Variants in RNLS observed in about 807,000 individuals in gnomAD.
The protein encoded by RNLS is renalase, FAD dependent amine oxidase.
In RNLS, 39 loss-of-function variants were observed where a neutral mutation model predicts 39.8. The ratio of observed to expected loss-of-function variants is 0.98; its 90% CI spans 0.76 to 1.28. The LOEUF (loss-of-function observed/expected upper bound fraction) is 1.28, where lower values mean the gene tolerates loss of function less well. Ranked by LOEUF, RNLS falls within the 50% of genes most tolerant of loss-of-function variation. RNLS has a pLI of 0.00. For synonymous variants in RNLS, 147 were observed against 150.7 expected (o/e 0.98, Z 0.18); for missense variants, 410 against 413.3 (o/e 0.99, Z 0.07).
chr10:88,332,080 C>T (rs531329241), intron 5 of RNLS, among the ~76,000 whole-genome samples: 3 of 152,352 alleles, frequency 2.0e-5, no homozygotes, highest in Admixed American at 1.3e-4. Context: ...GTGTCTACTG[C>T]TGGTCCCAGG....
the RNLS span, among the ~76,000 whole-genome samples, chr10:88,240,667 T>C: frequency 6.6e-6 from 1 of 152,162 alleles, no homozygotes; most frequent in African/African-American, 2.4e-5. Flanking sequence ...TAATTATTAC[T>C]GAAATCCGCC....
chr10:88,304,924 T>C (rs926311940), intron 6 of RNLS, among the ~76,000 whole-genome samples: 3 of 151,954 alleles, frequency 2.0e-5, no homozygotes, highest in Non-Finnish European at 4.4e-5. Context: ...AAAAAAATAA[T>C]GTTAAAGGCA....
the RNLS span, among the ~76,000 whole-genome samples, chr10:88,187,970 T>C: frequency 6.6e-6 from 1 of 152,236 alleles, no homozygotes; most frequent in African/African-American, 2.4e-5. Flanking sequence ...AAAACAAACA[T>C]GCATTCCTGC....
intron 4 of RNLS, among the ~76,000 whole-genome samples, chr10:88,435,450 T>TA (rs1226101255): frequency 6.9e-6 from 1 of 144,882 alleles, no homozygotes; most frequent in East Asian, 2.0e-4. Context: ...CCAAAAACAT[T>TA]AAAAAAATAA....
chr10:88,350,502 A>G (rs1848614954), intron 5 of RNLS, among the ~76,000 whole-genome samples: 1 of 151,914 alleles, frequency 6.6e-6, no homozygotes, highest in African/African-American at 2.4e-5. Flanking sequence ...TGTCCTTGCG[A>G]TAGTTTGCTG....
intron 6 of RNLS, among the ~76,000 whole-genome samples, chr10:88,302,268 T>C (rs561541494): frequency 1.1e-4 from 16 of 152,306 alleles, no homozygotes; most frequent in South Asian, 8.3e-4. Flanking sequence ...AGAAAAGTCA[T>C]AGGAATAGTG....
the RNLS span, among the ~76,000 whole-genome samples, chr10:88,226,685 A>T: frequency 7.6e-5 from 11 of 145,396 alleles, no homozygotes; most frequent in Admixed American, 1.4e-4. Flanking sequence ...TCACCCTCTA[A>T]TTTTTTAACC....
chr10:88,550,898 C>G (rs1848574450), intron 4 of RNLS, among the ~76,000 whole-genome samples: 1 of 152,130 alleles, frequency 6.6e-6, no homozygotes, highest in African/African-American at 2.4e-5. Flanking sequence ...AGATGAAGTC[C>G]AGATAGATTG....
intron 4 of RNLS, among the ~76,000 whole-genome samples, chr10:88,374,531 C>A (rs534198849): frequency 2.0e-5 from 3 of 152,162 alleles, no homozygotes; most frequent in Non-Finnish European, 4.4e-5. Flanking sequence ...ATATCCACCT[C>A]ACACACCTGT....
At position 88,525,000 on chromosome 10, in the gene RNLS, C is replaced by CATAT. The variant is rs1484214681; in HGVS notation, c.526+47902_526+47903insATAT. 1.7e-4 allele frequency among the ~76,000 whole-genome samples: 13 copies of CATAT among 74,858 alleles called. No individual in the cohort carries two copies. In the East Asian group the frequency reaches 4.6e-3, roughly 26 times the overall value. 49.1% of individuals were successfully genotyped at this position (74,858 alleles called of 152,430 possible). A position where few individuals can be genotyped will look rare whatever the true frequency, so the allele number is the denominator to read the frequency against. ...ATATATATATATATATATATATATA[C>CATAT]ACACACACACATACTATGTACCCAC... is the stretch of plus-strand genomic sequence containing the variant. On this transcript the variant is annotated intron_variant, in intron 4 of 6. Transcript: ENST00000331772.
chr10:88,292,663 A>G (rs977495293), intron 6 of RNLS, among the ~76,000 whole-genome samples: 1 of 151,864 alleles, frequency 6.6e-6, no homozygotes, highest in African/African-American at 2.4e-5. Flanking sequence ...GGTCATTTTA[A>G]TAAGCTTTTG....
the RNLS span, among the ~76,000 whole-genome samples, chr10:88,194,647 T>C: frequency 6.6e-6 from 1 of 152,198 alleles, no homozygotes; most frequent in Non-Finnish European, 1.5e-5. Flanking sequence ...CAAAGTCTTG[T>C]TTGTAAACCA....
intron 5 of RNLS, among the ~76,000 whole-genome samples, chr10:88,349,735 T>C (rs1279885512): frequency 6.6e-6 from 1 of 151,834 alleles, no homozygotes; most frequent in Admixed American, 6.6e-5. Context: ...ACATATTGTA[T>C]ATAAGTACAT....
At chr10:88,255,291 T>A in the RNLS span, among the ~76,000 whole-genome samples, 1 of 152,364 alleles carries the variant, frequency 6.6e-6, no homozygotes, top group South Asian at 2.1e-4. Context: ...CAGTCACTCA[T>A]GCATTTATTC....
At chr10:88,247,601 TA>T in the RNLS span, among the ~76,000 whole-genome samples, 1 of 152,272 alleles carries the variant, frequency 6.6e-6, no homozygotes, top group African/African-American at 2.4e-5. Context: ...TGAAGTACAT[TA>T]AAAAGTGGCA....
At chr10:88,540,959 A>G (rs1201150609) in intron 4 of RNLS, among the ~76,000 whole-genome samples, 1 of 150,084 alleles carries the variant, frequency 6.7e-6, no homozygotes, top group African/African-American at 2.5e-5. Context: ...ATTTTGTTAT[A>G]TTATGGTCAT....
At chr10:88,195,816 C>A in the RNLS span, among the ~76,000 whole-genome samples, 3 of 152,154 alleles carry the variant, frequency 2.0e-5, no homozygotes, top group East Asian at 5.8e-4. Flanking sequence ...CAAAAACAGC[C>A]CCATCATTAG....
Position 88,303,389 on chromosome 10 carries a change from A to C in RNLS, c.876+11077T>G, listed in dbSNP as rs560766397. On this transcript the variant is annotated intron_variant, in intron 6 of 6. Transcript: ENST00000331772. ...ACAATCTTGCCCATTAGATGGGGCTATGCTGACCTGAGCACCAGCTCAGGC... is the reference window on the plus strand; with the variant it reads ...ACAATCTTGCCCATTAGATGGGGCTCTGCTGACCTGAGCACCAGCTCAGGC... 6.6e-5 allele frequency among the ~76,000 whole-genome samples: 10 copies of C among 152,322 alleles called. No homozygotes were observed. In the South Asian group the frequency reaches 2.1e-3, roughly 32 times the overall value.
chr10:88,365,937 C>G (rs941930853), intron 4 of RNLS, among the ~76,000 whole-genome samples: 4 of 152,090 alleles, frequency 2.6e-5, no homozygotes, highest in African/African-American at 9.7e-5. Context: ...AATACATATT[C>G]TGCCCATTTT....
Sources: allele counts gnomAD v4.1 joint callset (sites outside exome capture counted in the v4.1 genomes callset), GRCh38; gene constraint gnomAD v4.1.1; transcripts MANE v1.5; gene names NCBI Gene and HGNC (gene_info 2026-07-23, HGNC 2026-07-21).